ARMC9: variants seen among roughly 807,000 people sequenced by gnomAD.
ARMC9 encodes lisH domain-containing protein ARMC9.
ARMC9 carries 94 observed loss-of-function variants against 107.0 expected under a neutral mutation model. That is an observed-to-expected ratio of 0.88 (90% CI 0.74 to 1.04). The LOEUF (loss-of-function observed/expected upper bound fraction) is 1.04, where lower values mean the gene tolerates loss of function less well. Among genes scored for constraint, ARMC9 ranks in the 50% least tolerant of loss-of-function variants. The probability of loss-of-function intolerance (pLI) is 0.00; values close to 1 mark genes in which losing one functional copy is unlikely to be tolerated. For synonymous variants in ARMC9, 380 were observed against 396.9 expected, an observed-to-expected ratio of 0.96 and a Z score of 0.51; for missense variants, 942 against 1,030.1, an observed-to-expected ratio of 0.91 and a Z score of 1.17.
At chr2:231,259,242 C>G (rs1318065515) in intron 11 of ARMC9, 140 bp downstream of exon 11, 8 of 718,464 alleles carry the variant, frequency 1.1e-5, no homozygotes, top group African/African-American at 1.8e-5. Flanking sequence ...GAACGGAAGT[C>G]AAAAGCCACT....
At chr2:231,309,513 TAA>T in intron 19 of ARMC9, among the ~76,000 whole-genome samples, 1 of 152,294 alleles carries the variant, frequency 6.6e-6, no homozygotes, top group East Asian at 1.9e-4. Context: ...ATTTAATAAA[TAA>T]ATACGTTTCT....
intron 18 of ARMC9, chr2:231,295,665 G>A (rs1574985676): frequency 6.6e-6 from 1 of 152,374 alleles, no homozygotes; most frequent in Admixed American, 6.5e-5. Flanking sequence ...GAACCACAGA[G>A]CCTTCAGGAA....
chr2:231,306,868 C>G (rs1035615196), intron 19 of ARMC9, among the ~76,000 whole-genome samples: 1 of 152,210 alleles, frequency 6.6e-6, no homozygotes, highest in African/African-American at 2.4e-5. Context: ...GACAGTGAAG[C>G]TTAACACAAA....
intron 8 of ARMC9, among the ~76,000 whole-genome samples, chr2:231,239,137 A>G (rs1272457359): frequency 2.0e-5 from 3 of 152,192 alleles, no homozygotes; most frequent in Non-Finnish European, 4.4e-5. Flanking sequence ...CATTATCCGC[A>G]GGGATTGGTT....
At chr2:231,208,467 T>C (rs2125310020) in intron 3 of ARMC9, among the ~76,000 whole-genome samples, 1 of 152,330 alleles carries the variant, frequency 6.6e-6, no homozygotes, top group South Asian at 2.1e-4. Flanking sequence ...TTCACAAACA[T>C]TTCTTGGGAA....
Position 231,370,136 on chromosome 2 carries a change from C to A in ARMC9, c.2434+11C>A. ...CAAGGGGCCTGCCGAGTAAGTCAGC[C>A]TGGGCCCCACTGGCGTGGGAGCCTG... On this transcript the variant is annotated intron_variant, in intron 24 of 24. Transcript: ENST00000611582. 6.6e-7 allele frequency: 1 copy of A among 1,507,388 alleles called. No individual in the cohort carries two copies. Among genetic ancestry groups the A allele is most frequent in the African/African-American group, 1.4e-5 (1 of 72,188 alleles). The allele number at this position is 1,507,388 out of a possible 1,614,324, so 93.4% of individuals were successfully genotyped here.
At chr2:231,200,803 C>G (rs2030786092) in intron 1 of ARMC9, among the ~76,000 whole-genome samples, 1 of 151,750 alleles carries the variant, frequency 6.6e-6, no homozygotes, top group Admixed American at 6.6e-5. Context: ...CCACTGCACT[C>G]CAGCCTGGGC....
chr2:231,289,946 C>G (rs1445523749), intron 17 of ARMC9, among the ~76,000 whole-genome samples: 1 of 152,242 alleles, frequency 6.6e-6, no homozygotes, highest in Non-Finnish European at 1.5e-5. Context: ...CTACTGGACA[C>G]AGCAAGCACA....
At chr2:231,254,655 A>G (rs574466412) in intron 9 of ARMC9, among the ~76,000 whole-genome samples, 32 of 147,744 alleles carry the variant, frequency 2.2e-4, no homozygotes, top group African/African-American at 7.5e-4. Flanking sequence ...CCTATCTATA[A>G]AAAAAAAAAA....
intron 19 of ARMC9, among the ~76,000 whole-genome samples, chr2:231,313,755 C>T (rs1575048779): frequency 6.6e-6 from 1 of 151,212 alleles, no homozygotes; most frequent in South Asian, 2.1e-4. Context: ...TTTTCATTTT[C>T]TTTTTTTTGT....
At position 231,375,612 on chromosome 2, in the gene ARMC9, C is replaced by G. The variant is rs925533051; in HGVS notation, c.*4077C>G. Among the ~76,000 whole-genome samples the G allele has an allele frequency of 2.6e-5, 4 of 152,330 alleles. No homozygotes were observed. The highest frequency in any genetic ancestry group is 2.9e-5 in the Non-Finnish European group (2 of 68,040). On this transcript the variant is annotated 3_prime_UTR_variant, in exon 25 of 25. Transcript: ENST00000611582. The surrounding 1 kb of genome is among the most constrained non-coding windows in gnomAD (Gnocchi z 4.3). ...GTCCCACTGGCTTTCAAGTTGCCAT[C>G]CATCTTCTAGGGAGAATTTCTGGCC...
chr2:231,241,198 CAAA>C (rs5839393), intron 9 of ARMC9, among the ~76,000 whole-genome samples: 16,698 of 116,092 alleles, frequency 0.14, 1,836 homozygotes, highest in African/African-American at 0.32. Flanking sequence ...GACTTAGTCT[CAAA>C]AAAAAAAAAA....
chr2:231,206,537 C>G (rs1484780619), intron 2 of ARMC9, among the ~76,000 whole-genome samples: 1 of 152,164 alleles, frequency 6.6e-6, no homozygotes, highest in Non-Finnish European at 1.5e-5. Context: ...AAGATTCAAG[C>G]ACTACAGAAG....
Position 231,374,926 on chromosome 2 carries a change from C to G in ARMC9, c.*3391C>G, listed in dbSNP as rs1046803959. On this transcript the variant is annotated 3_prime_UTR_variant, in exon 25 of 25. Coordinates refer to ENST00000611582, the MANE Select transcript of ARMC9 (RefSeq NM_001352754.2). Reference sequence around the variant, plus strand: ...CTGGCCTAGAATCTGGGGGATCCTCCTGTCCCTCCCACAGTGCCTGATAGC... The same window carrying G: ...CTGGCCTAGAATCTGGGGGATCCTCGTGTCCCTCCCACAGTGCCTGATAGC... 1 of 152,342 alleles carries G rather than the reference C, an allele frequency of 6.6e-6. No individual in the cohort carries two copies. Among genetic ancestry groups the G allele is most frequent in the Admixed American group, 6.5e-5 (1 of 15,306 alleles). 9.4% of individuals were successfully genotyped at this position (152,342 alleles called of 1,614,324 possible). A position where few individuals can be genotyped will look rare whatever the true frequency, so the allele number is the denominator to read the frequency against.
At position 231,198,872 on chromosome 2, in the gene ARMC9, G is replaced by A. The variant is rs150899557; in HGVS notation, c.-42+174G>A. On this transcript the variant is annotated intron_variant, in intron 1 of 24. Transcript: ENST00000611582. The stretch of plus-strand genomic sequence containing the variant: ...TACCACTTCTCGCCTGCGGTCCAGG[G>A]ATCTTTCTTCGGCAAGGGCCGAGGC... 8.1e-4 allele frequency: 123 copies of A among 152,640 alleles called. 1 individual carries two copies. The highest frequency in any genetic ancestry group is 1.4e-3 in the Non-Finnish European group (96 of 68,294). 9.5% of individuals were successfully genotyped at this position (152,640 alleles called of 1,614,324 possible).
At chr2:231,233,008 G>C (rs112918611) in intron 7 of ARMC9, among the ~76,000 whole-genome samples, 1 of 151,384 alleles carries the variant, frequency 6.6e-6, no homozygotes, top group African/African-American at 2.4e-5. Flanking sequence ...GTGCCTCCAC[G>C]CCTGGCTAGT....
At chr2:231,227,561 A>T (rs2125342668) in intron 7 of ARMC9, among the ~76,000 whole-genome samples, 1 of 152,372 alleles carries the variant, frequency 6.6e-6, no homozygotes, top group African/African-American at 2.4e-5. Context: ...TTCAAAGCAG[A>T]GTCATGCCAG....
chr2:231,290,245 C>T (rs1440000554), intron 17 of ARMC9, among the ~76,000 whole-genome samples: 1 of 152,216 alleles, frequency 6.6e-6, no homozygotes, highest in Non-Finnish European at 1.5e-5. Context: ...GAGCTAATTG[C>T]AATTACAATA....
chr2:231,259,031 G>A lies in ARMC9; in HGVS notation c.955G>A (p.Glu319Lys). 2 of 1,614,168 alleles carry A rather than the reference G, an allele frequency of 1.2e-6. No individual in the cohort carries two copies. Among genetic ancestry groups the A allele is most frequent in the South Asian group, 1.1e-5 (1 of 91,082 alleles). Residue 319 changes from glutamate (E) to lysine (K), a missense_variant, in exon 11 of 25, where the codon GAG becomes AAG. Glu to Lys is a moderately conservative substitution (Grantham distance 56). Transcript: ENST00000611582. ...DVPLLPSLDY[E>K]KLKKDLILGS... The stretch of plus-strand genomic sequence containing the variant: ...CCCATTACTGCCCTCCTTGGATTAT[G>A]AGAAACTGAAGAAGGATTTGATTTT...
Sources: gnomAD v4.1 joint callset for allele counts (sites outside exome capture counted in the v4.1 genomes callset) on GRCh38, gnomAD v4.1.1 for gene constraint, Gnocchi (gnomAD v3.1) non-coding constraint, MANE v1.5 for transcripts, NCBI Gene and HGNC (gene_info 2026-07-23, HGNC 2026-07-21) for gene names.